The following TENM3 variants were observed in gnomAD, a reference collection of about 807,000 sequenced individuals.
TENM3 encodes the protein teneurin transmembrane protein 3.
TENM3 carries 63 observed loss-of-function variants against 255.1 expected under a neutral mutation model. That is an observed-to-expected ratio of 0.25 (90% CI 0.20 to 0.30). The LOEUF is 0.30. Among genes scored for constraint, TENM3 ranks in the 10% least tolerant of loss-of-function variants. The pLI, the probability that TENM3 is intolerant of heterozygous loss-of-function variation, is 1.00. For synonymous variants in TENM3, 1,306 were observed against 1,322.3 expected (o/e 0.99, Z 0.27); for missense variants, 2,929 against 3,461.1 (o/e 0.85, Z 3.86).
chr4:182,496,596 G>A (rs975393279), intron 3 of TENM3, among the ~76,000 whole-genome samples: 1 of 152,156 alleles, frequency 6.6e-6, no homozygotes, highest in Non-Finnish European at 1.5e-5. Context: ...GTAAATTTTA[G>A]TGCCATGCAT....
the TENM3 span, among the ~76,000 whole-genome samples, chr4:181,547,819 T>A: frequency 6.6e-6 from 1 of 152,322 alleles, no homozygotes; most frequent in South Asian, 2.1e-4. Flanking sequence ...TTCTTTTTTT[T>A]ATTATACTTT....
intron 16 of TENM3, among the ~76,000 whole-genome samples, chr4:182,735,504 G>A (rs1761095905): frequency 6.6e-6 from 1 of 152,218 alleles, no homozygotes; most frequent in Non-Finnish European, 1.5e-5. Flanking sequence ...TGTTCTATGT[G>A]GAGGTGGTGG....
At chr4:181,587,919 C>A in the TENM3 span, among the ~76,000 whole-genome samples, 14 of 152,104 alleles carry the variant, frequency 9.2e-5, no homozygotes, top group African/African-American at 2.9e-4. Flanking sequence ...GCAGCCATGA[C>A]TTTCAGTGAC....
At chr4:182,560,611 T>C (rs1244271878) in intron 3 of TENM3, among the ~76,000 whole-genome samples, 1 of 152,170 alleles carries the variant, frequency 6.6e-6, no homozygotes, top group Non-Finnish European at 1.5e-5. Context: ...TGCTCTGTTC[T>C]TGAACAAAGG....
chr4:181,723,412 G>A, the TENM3 span, among the ~76,000 whole-genome samples: 1 of 150,930 alleles, frequency 6.6e-6, no homozygotes, highest in Non-Finnish European at 1.5e-5. Context: ...TCCTCTTTTT[G>A]GTAGAGCACA....
intron 24 of TENM3, among the ~76,000 whole-genome samples, chr4:182,780,942 TA>T (rs1765115489): frequency 6.6e-6 from 1 of 151,384 alleles, no homozygotes; most frequent in Non-Finnish European, 1.5e-5. Context: ...CTTATGAGCT[TA>T]AGGAGATTTT....
chr4:182,289,998 C>G (rs1030268380), intron 1 of TENM3, among the ~76,000 whole-genome samples: 1 of 152,064 alleles, frequency 6.6e-6, no homozygotes, highest in Admixed American at 6.5e-5. Context: ...AAGTCACTCC[C>G]GCTCGTGCCC....
intron 3 of TENM3, among the ~76,000 whole-genome samples, chr4:182,374,497 C>T (rs1183831758): frequency 1.3e-5 from 2 of 152,144 alleles, no homozygotes; most frequent in African/African-American, 4.8e-5. Flanking sequence ...TATTTTTCAT[C>T]ATGGCACTCA....
chr4:182,162,138 T>C (rs992898275), intron 1 of TENM3, among the ~76,000 whole-genome samples: 12 of 151,808 alleles, frequency 7.9e-5, no homozygotes, highest in African/African-American at 2.9e-4. Context: ...CCTGCCTCAG[T>C]CTCTTGAGTT....
At chr4:181,567,743 C>T in the TENM3 span, among the ~76,000 whole-genome samples, 25,566 of 152,004 alleles carry the variant, frequency 0.17, 2,626 homozygotes, top group African/African-American at 0.3. Context: ...TAAAAGGAAA[C>T]TGATATGTTG....
upstream of TENM3, among the ~76,000 whole-genome samples, chr4:182,241,518 CTTTTTTT>C (rs982739950): frequency 3.5e-5 from 4 of 114,274 alleles, no homozygotes; most frequent in South Asian, 5.3e-4. Context: ...TTTTTTCTTT[CTTTTTTT>C]TTTTTTTTTT....
At chr4:181,987,177 C>T in the TENM3 span, among the ~76,000 whole-genome samples, 3 of 152,102 alleles carry the variant, frequency 2.0e-5, no homozygotes, top group African/African-American at 4.8e-5. Context: ...CATCTATCCT[C>T]TTACCCAAGG....
At chr4:182,519,899 G>T (rs1181709315) in intron 3 of TENM3, among the ~76,000 whole-genome samples, 1 of 151,994 alleles carries the variant, frequency 6.6e-6, no homozygotes, top group Non-Finnish European at 1.5e-5. Flanking sequence ...AAAAACCTCT[G>T]TATTTCAAAA....
intron 5 of TENM3, among the ~76,000 whole-genome samples, chr4:182,642,214 T>C (rs1173995216): frequency 6.6e-6 from 1 of 152,226 alleles, no homozygotes; most frequent in African/African-American, 2.4e-5. Flanking sequence ...GATGAATCCT[T>C]CTTTTATTCA....
intron 3 of TENM3, among the ~76,000 whole-genome samples, chr4:182,589,673 C>A (rs1560968739): frequency 6.6e-6 from 1 of 151,906 alleles, no homozygotes; most frequent in Non-Finnish European, 1.5e-5. Context: ...AGAGTATATT[C>A]TTTTAAAAAC....
chr4:182,545,233 TG>T (rs1244814848), intron 3 of TENM3, among the ~76,000 whole-genome samples: 1 of 152,232 alleles, frequency 6.6e-6, no homozygotes, highest in Admixed American at 6.5e-5. Context: ...TGTATTTACT[TG>T]ATATGTCTGT....
chr4:182,006,028 T>G, the TENM3 span, among the ~76,000 whole-genome samples: 1 of 152,172 alleles, frequency 6.6e-6, no homozygotes, highest in Non-Finnish European at 1.5e-5. Flanking sequence ...ACAACTTGAC[T>G]TCCTCTTTTC....
chr4:181,999,376 G>T, the TENM3 span, among the ~76,000 whole-genome samples: 2 of 152,106 alleles, frequency 1.3e-5, no homozygotes, highest in Admixed American at 6.6e-5. Context: ...TCTGAGACTG[G>T]CCTAAGGTAT....
At chr4:181,667,335 C>A in the TENM3 span, among the ~76,000 whole-genome samples, 1 of 152,142 alleles carries the variant, frequency 6.6e-6, no homozygotes, top group African/African-American at 2.4e-5. Context: ...ACAGACCTTT[C>A]TTCATGTTAT....
Sources: allele counts gnomAD v4.1 joint callset (sites outside exome capture counted in the v4.1 genomes callset), GRCh38; gene constraint gnomAD v4.1.1; transcripts MANE v1.5; gene names NCBI Gene and HGNC (gene_info 2026-07-23, HGNC 2026-07-21).